KDM6A: variants seen among roughly 807,000 people sequenced by gnomAD.
The protein encoded by KDM6A is lysine demethylase 6A.
Under a neutral mutation model 117.6 loss-of-function variants are expected in KDM6A, and 11 were observed. That is an observed-to-expected ratio of 0.09 (90% CI 0.06 to 0.15). KDM6A has a LOEUF of 0.15. Ranked by LOEUF, KDM6A falls within the 10% of genes least tolerant of loss-of-function variation. The pLI is 1.00. For missense variants in KDM6A, 799 were observed against 1,077.3 expected (o/e 0.74, Z 3.62); for synonymous variants, 384 against 396.1 (o/e 0.97, Z 0.36).
chrX:44,891,003 C>T (rs1250055528), intron 2 of KDM6A, among the ~76,000 whole-genome samples: 2 of 109,899 alleles, frequency 1.8e-5, no homozygotes, highest in Non-Finnish European at 3.8e-5. Context: ...AATGTCTGTT[C>T]GTGTCTTTTG....
intron 4 of KDM6A, among the ~76,000 whole-genome samples, chrX:44,992,350 G>A (rs1450086457): frequency 1.2e-4 from 12 of 102,902 alleles, no homozygotes; most frequent in Non-Finnish European, 1.8e-4. Flanking sequence ...TCAGCCTCCC[G>A]AGTAGCTGGG....
chrX:44,966,776 A>G (rs1057331976), intron 3 of KDM6A, among the ~76,000 whole-genome samples: 24 of 107,523 alleles, frequency 2.2e-4, no homozygotes, highest in East Asian at 5.9e-4. Context: ...GGTGGTTTCT[A>G]TTTCCTAGAT....
chrX:44,873,335 G>A lies in KDM6A; in HGVS notation c.-217G>A, dbSNP rs2031010879. On this transcript the variant is annotated 5_prime_UTR_variant, in exon 1 of 30. Transcript: ENST00000611820. ...CCGCGATGTGACCCTACAGCCGAAA[G>A]CCGCCGCTGCCGACCCGGGGGCTCC... The A allele has an allele frequency of 2.4e-6, 1 of 415,381 alleles. No individual in the cohort carries two copies. The allele number at this position is 415,381 out of a possible 1,213,427, so 34.2% of individuals were successfully genotyped here. A position where few individuals can be genotyped will look rare whatever the true frequency, so the allele number is the denominator to read the frequency against.
intron 10 of KDM6A, among the ~76,000 whole-genome samples, chrX:45,054,209 G>C (rs763304895): frequency 2.2e-4 from 25 of 111,341 alleles, no homozygotes; most frequent in African/African-American, 7.5e-4. Context: ...TTGAGTTACT[G>C]CTAGTTTTAA....
intron 3 of KDM6A, among the ~76,000 whole-genome samples, chrX:44,972,764 G>C (rs2039421632): frequency 9.0e-6 from 1 of 111,506 alleles, no homozygotes; most frequent in Admixed American, 9.5e-5. Context: ...GGCCGGTCAT[G>C]GTGGCTCACA....
chrX:45,009,547 A>G (rs1602559694), intron 4 of KDM6A, among the ~76,000 whole-genome samples: 2 of 111,557 alleles, frequency 1.8e-5, no homozygotes, highest in African/African-American at 6.5e-5. Flanking sequence ...CCTCCTGGGA[A>G]TGCAGCTCAG....
At chrX:45,065,235 G>A (rs994870188) in intron 17 of KDM6A, among the ~76,000 whole-genome samples, 2 of 111,825 alleles carry the variant, frequency 1.8e-5, no homozygotes, top group African/African-American at 3.3e-5. Context: ...TGGACCCTAA[G>A]GTAGGATTGT....
chrX:44,954,411 C>T (rs937277844), intron 2 of KDM6A, among the ~76,000 whole-genome samples: 1 of 111,883 alleles, frequency 8.9e-6, no homozygotes, highest in African/African-American at 3.2e-5. Flanking sequence ...AGTAAGAAAA[C>T]ACTCTAATAA....
At position 45,063,960 on chromosome X, in the gene KDM6A, A is replaced by G. The variant is rs368970369; in HGVS notation, c.2079+143A>G. On this transcript the variant is annotated intron_variant, in intron 17 of 29. Coordinates refer to ENST00000611820, the MANE Select transcript of KDM6A (RefSeq NM_001291415.2). ...GGCACTACAATGTTACTACATTGTG[A>G]TTCATTATGTACATACATGAGTATA... 2.4e-4 allele frequency: 133 copies of G among 556,403 alleles called. No homozygotes were observed. The Middle Eastern group carries it at 5.2e-3, about 22-fold the overall frequency. The allele number at this position is 556,403 out of a possible 1,213,427, so 45.9% of individuals were successfully genotyped here.
chrX:45,073,813 G>A (rs2044979978), intron 18 of KDM6A, among the ~76,000 whole-genome samples: 2 of 111,383 alleles, frequency 1.8e-5, no homozygotes, highest in South Asian at 3.7e-4. Context: ...GTTTTCTCCC[G>A]TTCTGTAGGT....
intron 18 of KDM6A, among the ~76,000 whole-genome samples, chrX:45,071,722 T>G (rs2044840671): frequency 1.9e-5 from 2 of 103,873 alleles, no homozygotes; most frequent in South Asian, 8.8e-4. Context: ...AAAATACCTT[T>G]TGGTCTGTGT....
intron 2 of KDM6A, among the ~76,000 whole-genome samples, chrX:44,947,265 G>A (rs1289847897): frequency 9.0e-6 from 1 of 111,197 alleles, no homozygotes; most frequent in Admixed American, 9.6e-5. Context: ...ATAGTACTGT[G>A]TTTGATTTTG....
At chrX:45,021,339 T>C (rs1421915464) in intron 6 of KDM6A, among the ~76,000 whole-genome samples, 2 of 112,071 alleles carry the variant, frequency 1.8e-5, no homozygotes, top group Non-Finnish European at 3.8e-5. Context: ...ACCATCAATT[T>C]AGGTCTTGCT....
chrX:44,873,835 G>C, intron 1 of KDM6A, 89 bp from the exon 2 acceptor site: 1 of 1,147,647 alleles, frequency 8.7e-7, no homozygotes, highest in Non-Finnish European at 1.2e-6. Context: ...CGCTCTTCGC[G>C]CCGCCTCCGC....
In KDM6A at chrX:44,873,557, A is replaced by G; in HGVS notation, c.6A>G (p.Lys2=). The part of the protein sequence containing the change: M[K]SCGVSLATAA... Reference sequence around the variant, plus strand: ...TGTGAATTCGCTGCGTTTCCATGAAATCCTGCGGAGTGTCGCTCGCTACCG... The same window carrying G: ...TGTGAATTCGCTGCGTTTCCATGAAGTCCTGCGGAGTGTCGCTCGCTACCG... The change falls in exon 1 of 30, where the codon AAA becomes AAG. Residue 2 remains lysine, a synonymous_variant. Coordinates refer to ENST00000611820, the MANE Select transcript of KDM6A (RefSeq NM_001291415.2). 1 of 1,202,095 alleles carries G rather than the reference A, an allele frequency of 8.3e-7. No individual in the cohort carries two copies. The highest frequency in any genetic ancestry group is 1.1e-6 in the Non-Finnish European group (1 of 892,702).
At chrX:44,953,419 A>G (rs2038136185) in intron 2 of KDM6A, among the ~76,000 whole-genome samples, 1 of 112,093 alleles carries the variant, frequency 8.9e-6, no homozygotes, top group African/African-American at 3.2e-5. Context: ...AAATGTGCCT[A>G]ATTAAATTTA....
At chrX:45,105,113 C>T (rs1057496629) in intron 27 of KDM6A, among the ~76,000 whole-genome samples, 3 of 111,536 alleles carry the variant, frequency 2.7e-5, no homozygotes, top group African/African-American at 9.8e-5. Flanking sequence ...AGAATCTCAT[C>T]TTCGAGGGGG....
intron 27 of KDM6A, among the ~76,000 whole-genome samples, chrX:45,105,487 T>A (rs747072313): frequency 1.8e-5 from 2 of 111,846 alleles, no homozygotes; most frequent in African/African-American, 6.5e-5. Context: ...ATTATTTTCC[T>A]GTAAGAGACC....
At chrX:45,053,720 T>C (rs1228170791) in intron 9 of KDM6A, 109 bp from the exon 10 acceptor site, 41 of 628,231 alleles carry the variant, frequency 6.5e-5, no homozygotes, top group Non-Finnish European at 8.8e-5. Context: ...ACTAAATTAA[T>C]AAATTGACAG....
Sources: gnomAD v4.1 joint callset for allele counts (sites outside exome capture counted in the v4.1 genomes callset) on GRCh38, gnomAD v4.1.1 for gene constraint, MANE v1.5 for transcripts, NCBI Gene and HGNC (gene_info 2026-07-23, HGNC 2026-07-21) for gene names.